ZNF385D: variants seen among roughly 807,000 people sequenced by gnomAD.
ZNF385D encodes the protein zinc finger protein 659.
In ZNF385D, 15 loss-of-function variants were observed where a neutral mutation model predicts 35.8. The ratio of observed to expected loss-of-function variants is 0.42; its 90% confidence interval spans 0.28 to 0.64. The LOEUF is 0.64. Ranked by LOEUF, ZNF385D falls within the 30% of genes least tolerant of loss-of-function variation. ZNF385D has a pLI of 0.23. For missense variants in ZNF385D, 474 were observed against 494.6 expected (o/e 0.96, Z 0.39); for synonymous variants, 212 against 186.8 (o/e 1.13, Z -1.10).
At chr3:21,711,582 C>G (rs1413796559) in intron 1 of ZNF385D, among the ~76,000 whole-genome samples, 1 of 152,144 alleles carries the variant, frequency 6.6e-6, no homozygotes, top group Non-Finnish European at 1.5e-5. Context: ...CAGTCTGTTG[C>G]TATCTTATAG....
intron 1 of ZNF385D, among the ~76,000 whole-genome samples, chr3:21,706,479 T>C (rs2067903414): frequency 2.0e-5 from 3 of 152,158 alleles, no homozygotes; most frequent in Admixed American, 1.3e-4. Flanking sequence ...TACTTACAAT[T>C]TGAGGAGACA....
Position 21,457,128 on chromosome 3 carries a change from A to T in ZNF385D, c.440-19925T>A, listed in dbSNP as rs6764826. ...CCAAAACATAATAGATTCCCAATAA[A>T]TATTTCTTGAATGAGAGAATGAAAC... On this transcript the variant is annotated intron_variant, in intron 4 of 7. Transcript: ENST00000281523. Among the ~76,000 whole-genome samples, 1,122 of 152,290 alleles carry T rather than the reference A, an allele frequency of 7.4e-3. 8 individuals carry two copies. The highest frequency in any genetic ancestry group is 0.026 in the African/African-American group (1,082 of 41,570).
intron 3 of ZNF385D, among the ~76,000 whole-genome samples, chr3:21,800,215 G>C (rs1302147353): frequency 6.6e-6 from 1 of 152,034 alleles, no homozygotes; most frequent in Admixed American, 6.6e-5. Flanking sequence ...AGATTGTTTT[G>C]ACTATTTTGA....
At chr3:22,230,904 G>C (rs140272631) in intron 2 of ZNF385D, among the ~76,000 whole-genome samples, 8 of 152,228 alleles carry the variant, frequency 5.3e-5, no homozygotes, top group East Asian at 1.9e-4. Context: ...TCAGGAAAAA[G>C]ATGAAAATTC....
intron 3 of ZNF385D, among the ~76,000 whole-genome samples, chr3:22,044,898 G>A (rs1046220977): frequency 1.3e-5 from 2 of 152,090 alleles, no homozygotes; most frequent in African/African-American, 4.8e-5. Context: ...TTTCCTTACA[G>A]TGATTTGCTG....
chr3:21,438,223 T>G (rs557635997), intron 4 of ZNF385D, among the ~76,000 whole-genome samples: 2 of 152,196 alleles, frequency 1.3e-5, no homozygotes, highest in African/African-American at 4.8e-5. Context: ...TCTACCCATA[T>G]ACTACTTTTT....
chr3:21,943,629 T>C (rs1344726843), intron 3 of ZNF385D, among the ~76,000 whole-genome samples: 1 of 152,146 alleles, frequency 6.6e-6, no homozygotes, highest in African/African-American at 2.4e-5. Context: ...ATGTCTTTTA[T>C]GTACATAATG....
chr3:22,159,835 G>A lies in ZNF385D; in HGVS notation c.325+8982C>T, dbSNP rs142289863. On this transcript the variant is annotated intron_variant, in intron 3 of 5. Coordinates refer to the ZNF385D transcript ENST00000494108. ...CTGCATTTTTTCATGGCCTCCCCTC[G>A]GCTGAACTTCTGAAGGATATGGTCG... 5.9e-3 allele frequency among the ~76,000 whole-genome samples: 898 copies of A among 151,848 alleles called. 8 individuals are homozygous for A. Among genetic ancestry groups the A allele is most frequent in the African/African-American group, 0.021 (854 of 41,398 alleles).
intron 2 of ZNF385D, among the ~76,000 whole-genome samples, chr3:22,306,652 C>G (rs1361005068): frequency 6.6e-6 from 1 of 152,026 alleles, no homozygotes; most frequent in African/African-American, 2.4e-5. Context: ...GGGAAATACT[C>G]GCTATGTTTC....
At chr3:21,858,850 C>T (rs1696880663) in intron 3 of ZNF385D, among the ~76,000 whole-genome samples, 1 of 152,072 alleles carries the variant, frequency 6.6e-6, no homozygotes, top group Non-Finnish European at 1.5e-5. Context: ...CAATATCCTG[C>T]CATGGTGCAG....
intron 2 of ZNF385D, among the ~76,000 whole-genome samples, chr3:21,585,904 C>CA (rs1450240895): frequency 6.6e-6 from 1 of 152,138 alleles, no homozygotes; most frequent in African/African-American, 2.4e-5. Flanking sequence ...CGCAGTAGCT[C>CA]ATGTCTGTAG....
intron 3 of ZNF385D, among the ~76,000 whole-genome samples, chr3:21,989,820 T>G (rs1695048790): frequency 6.6e-6 from 1 of 152,228 alleles, no homozygotes; most frequent in Non-Finnish European, 1.5e-5. Context: ...CTATCTTTTT[T>G]GGCACAAGCT....
At chr3:21,736,828 T>C (rs944151664) in intron 1 of ZNF385D, among the ~76,000 whole-genome samples, 2 of 152,260 alleles carry the variant, frequency 1.3e-5, no homozygotes, top group Non-Finnish European at 2.9e-5. Flanking sequence ...AAAGCAATTA[T>C]TCTACTTTTT....
upstream of ZNF385D, among the ~76,000 whole-genome samples, chr3:21,752,626 A>T (rs2070155882): frequency 6.6e-6 from 1 of 152,108 alleles, no homozygotes; most frequent in Non-Finnish European, 1.5e-5. Context: ...TTGGTGAGTG[A>T]AAGTAGGTAA....
chr3:21,577,826 T>A (rs567333968), intron 2 of ZNF385D, among the ~76,000 whole-genome samples: 1 of 151,400 alleles, frequency 6.6e-6, no homozygotes, highest in Non-Finnish European at 1.5e-5. Context: ...TTTTTTTTTT[T>A]CGAGACAGGG....
At chr3:21,947,410 G>A (rs1196358231) in intron 3 of ZNF385D, among the ~76,000 whole-genome samples, 1 of 151,916 alleles carries the variant, frequency 6.6e-6, no homozygotes, top group African/African-American at 2.4e-5. Context: ...GTGTGCAATG[G>A]CACAATCTCG....
intron 3 of ZNF385D, among the ~76,000 whole-genome samples, chr3:22,004,397 A>T (rs1195379534): frequency 3.3e-5 from 5 of 152,354 alleles, no homozygotes; most frequent in African/African-American, 1.2e-4. Context: ...CTAGACTTCA[A>T]AAGCACAAGC....
chr3:21,864,879 G>A (rs1697252622), intron 3 of ZNF385D, among the ~76,000 whole-genome samples: 1 of 151,654 alleles, frequency 6.6e-6, no homozygotes, highest in South Asian at 2.1e-4. Context: ...GTAAATACAA[G>A]TGGTGTGTGA....
At chr3:21,913,980 A>G (rs1282435618) in intron 3 of ZNF385D, among the ~76,000 whole-genome samples, 1 of 152,068 alleles carries the variant, frequency 6.6e-6, no homozygotes, top group African/African-American at 2.4e-5. Context: ...CAGGGTGCAC[A>G]GATTTGCAGC....
Sources: gnomAD v4.1 joint callset for allele counts (sites outside exome capture counted in the v4.1 genomes callset) on GRCh38, gnomAD v4.1.1 for gene constraint, MANE v1.5 for transcripts, NCBI Gene and HGNC (gene_info 2026-07-23, HGNC 2026-07-21) for gene names.